Variants in NCOA6 observed in about 807,000 individuals in gnomAD.
NCOA6 encodes nuclear receptor coactivator 6, also known as NRC RAP250.
Under a neutral mutation model 171.4 loss-of-function variants are expected in NCOA6, and 49 were observed. That is an observed-to-expected ratio of 0.29 (90% confidence interval 0.23 to 0.36). NCOA6 has a LOEUF of 0.36. Among genes scored for constraint, NCOA6 ranks in the 10% least tolerant of loss-of-function variants. The pLI is 1.00. For synonymous variants in NCOA6, 910 were observed against 927.5 expected, an observed-to-expected ratio of 0.98 and a Z score of 0.34; for missense variants, 2,248 against 2,554.5, an observed-to-expected ratio of 0.88 and a Z score of 2.59.
chr20:34,782,375 G>A lies in NCOA6; in HGVS notation c.-20C>T. The A allele has an allele frequency of 8.8e-6, 13 of 1,481,762 alleles. No homozygotes were observed. Among genetic ancestry groups the A allele is most frequent in the Non-Finnish European group, 1.2e-5 (13 of 1,079,674 alleles). The allele number at this position is 1,481,762 out of a possible 1,614,324, so 91.8% of individuals were successfully genotyped here. A position where few individuals can be genotyped will look rare whatever the true frequency, so the allele number is the denominator to read the frequency against. ...AACCATGGTGAATATTATTCCAGAA[G>A]CATATGCCAAGAGGACAATAAGAAA... On this transcript the variant is annotated 5_prime_UTR_variant, in exon 3 of 15. Coordinates refer to ENST00000359003, the MANE Select transcript of NCOA6 (RefSeq NM_014071.5).
chr20:34,742,297 G>T lies in NCOA6; in HGVS notation c.3959C>A (p.Ala1320Glu), dbSNP rs763199542. Residue 1320 changes from alanine (A) to glutamate (E), a missense_variant, in exon 11 of 15, where the codon GCA becomes GAA. This residue lies in a region of NCOA6 where 884 missense variants were observed against 941.9 expected (regional missense o/e 0.94). Transcript: ENST00000359003. ...VNSGKQSNSG[A>E]TKRASPSNSR... ...GTTGCTTGGACTTGCCCGTTTTGTT[G>T]CTCCAGAATTAGACTGCTTTCCAGA... The T allele has an allele frequency of 1.2e-6, 2 of 1,614,176 alleles. No homozygotes were observed. The highest frequency in any genetic ancestry group is 3.3e-5 in the Admixed American group (2 of 60,010).
At chr20:34,717,360 G>T (rs1988735877) in intron 14 of NCOA6, among the ~76,000 whole-genome samples, 1 of 152,234 alleles carries the variant, frequency 6.6e-6, no homozygotes, top group Non-Finnish European at 1.5e-5. Flanking sequence ...TAAGGCAGGA[G>T]AATTGCTTGA....
At chr20:34,785,341 TC>T (rs1289904557) in intron 2 of NCOA6, among the ~76,000 whole-genome samples, 1 of 151,880 alleles carries the variant, frequency 6.6e-6, no homozygotes, top group African/African-American at 2.4e-5. Flanking sequence ...ATACCTGTAT[TC>T]CTAGCACTTT....
intron 11 of NCOA6, among the ~76,000 whole-genome samples, chr20:34,739,993 G>A (rs2076080531): frequency 6.6e-6 from 1 of 152,102 alleles, no homozygotes; most frequent in African/African-American, 2.4e-5. Flanking sequence ...CTCCTGAGTA[G>A]CTGGGATTAC....
At chr20:34,772,432 T>C (rs938784054) in intron 4 of NCOA6, among the ~76,000 whole-genome samples, 6 of 152,156 alleles carry the variant, frequency 3.9e-5, no homozygotes, top group African/African-American at 1.4e-4. Flanking sequence ...ATTTATTAAA[T>C]ATAATGGTCA....
intron 2 of NCOA6, among the ~76,000 whole-genome samples, chr20:34,782,801 A>G: frequency 6.6e-6 from 1 of 152,194 alleles, no homozygotes; most frequent in East Asian, 1.9e-4. Context: ...AAAGCTTAAA[A>G]GGAGCCAAGG....
At chr20:34,790,423 C>T (rs1416354114) in intron 2 of NCOA6, among the ~76,000 whole-genome samples, 4 of 151,860 alleles carry the variant, frequency 2.6e-5, no homozygotes, top group African/African-American at 9.7e-5. Context: ...GGTGTGACCT[C>T]GGCTCACTGT....
intron 1 of NCOA6, among the ~76,000 whole-genome samples, chr20:34,800,608 A>C (rs1380368756): frequency 6.6e-6 from 1 of 151,076 alleles, no homozygotes; most frequent in Non-Finnish European, 1.5e-5. Flanking sequence ...TATAAAAAAG[A>C]GACAAAGAAG....
rs538854153 is a variant in NCOA6 at position 34,744,724 on chromosome 20, A to G, written c.2915-1383T>C. On this transcript the variant is annotated intron_variant, in intron 10 of 14. Transcript: ENST00000359003. ...TAACTTCTTCACCTTTATAAAGCCA[A>G]TAACATGGCATTTCTATGGTTCAAC... is the stretch of plus-strand genomic sequence containing the variant. 9.2e-5 allele frequency among the ~76,000 whole-genome samples: 14 copies of G among 152,356 alleles called. No individual in the cohort carries two copies. The South Asian group carries it at 2.5e-3, about 27-fold the overall frequency.
intron 5 of NCOA6, among the ~76,000 whole-genome samples, chr20:34,761,112 C>T (rs1187612713): frequency 6.6e-6 from 1 of 152,116 alleles, no homozygotes; most frequent in Non-Finnish European, 1.5e-5. Flanking sequence ...ATCCCAGCTA[C>T]TCAGGAGGCT....
rs933234055 is a variant in NCOA6 at position 34,779,245 on chromosome 20, G to A, written c.236-2797C>T. ...AAGTTATTTGGCTGCGTGCAGTGGC[G>A]CATGTCCGTAATCCCAGCACTTTGG... On this transcript the variant is annotated intron_variant, in intron 3 of 14. Transcript: ENST00000359003. Among the ~76,000 whole-genome samples, 3 of 152,154 alleles carry A rather than the reference G, an allele frequency of 2.0e-5. No individual in the cohort carries two copies. In the East Asian group the frequency reaches 5.8e-4, roughly 29 times the overall value.
intron 4 of NCOA6, among the ~76,000 whole-genome samples, chr20:34,771,582 A>G (rs2077152658): frequency 6.6e-6 from 1 of 152,180 alleles, no homozygotes; most frequent in Non-Finnish European, 1.5e-5. Context: ...GTGGCTACCA[A>G]TATTGGACTG....
In NCOA6 at chr20:34,741,180, G is replaced by C. The variant is rs750475329; in HGVS notation, c.5076C>G (p.Pro1692=). 8 of 1,614,124 alleles carry C rather than the reference G, an allele frequency of 5.0e-6. No individual in the cohort carries two copies. Among genetic ancestry groups the C allele is most frequent in the Non-Finnish European group, 5.9e-6 (7 of 1,180,050 alleles). Residue 1692 remains proline, a synonymous_variant, in exon 11 of 15, where the codon CCC becomes CCG. Coordinates refer to ENST00000359003, the MANE Select transcript of NCOA6 (RefSeq NM_014071.5). ...PLTTNSGLMP[P]SVAVVGPLHI... is the part of the protein sequence containing the mutation. ...GTAAAGGGCCAACAACTGCAACAGA[G>C]GGAGGCATCAGGCCAGAGTTGGTTG...
chr20:34,743,375 T>C (rs780915898), intron 10 of NCOA6, 34 bp from the exon 11 acceptor site: 1 of 1,561,330 alleles, frequency 6.4e-7, no homozygotes, highest in Non-Finnish European at 8.7e-7. Context: ...GGAAGTTAGA[T>C]TTTTCAGCAA....
chr20:34,766,949 T>G (rs1289798702), intron 5 of NCOA6, among the ~76,000 whole-genome samples: 4 of 152,184 alleles, frequency 2.6e-5, no homozygotes, highest in African/African-American at 9.7e-5. Context: ...TAACACCAAA[T>G]GCTCAGACTT....
At chr20:34,760,422 A>C (rs2145857635) in intron 5 of NCOA6, among the ~76,000 whole-genome samples, 1 of 152,358 alleles carries the variant, frequency 6.6e-6, no homozygotes. Context: ...AACAATGAAA[A>C]ATTCTAAAAA....
At chr20:34,771,413 G>A (rs982123218) in intron 4 of NCOA6, among the ~76,000 whole-genome samples, 2 of 152,166 alleles carry the variant, frequency 1.3e-5, no homozygotes, top group Non-Finnish European at 2.9e-5. Flanking sequence ...GGGATTACAG[G>A]TGTGAGCCAC....
chr20:34,776,506 G>T, intron 3 of NCOA6, 58 bp from the exon 4 acceptor site: 1 of 1,584,762 alleles, frequency 6.3e-7, no homozygotes, highest in Non-Finnish European at 8.7e-7. Flanking sequence ...AGAGGAGATG[G>T]AATTAAAAAA....
At chr20:34,818,477 T>C (rs2078909741) in intron 1 of NCOA6, among the ~76,000 whole-genome samples, 3 of 152,192 alleles carry the variant, frequency 2.0e-5, no homozygotes. Flanking sequence ...TCTATTATTG[T>C]TACTATTGTT....
Sources: gnomAD v4.1 joint callset for allele counts (sites outside exome capture counted in the v4.1 genomes callset) on GRCh38, gnomAD v4.1.1 for gene constraint, gnomAD v4.1.1 regional missense constraint, MANE v1.5 for transcripts, NCBI Gene and HGNC (gene_info 2026-07-23, HGNC 2026-07-21) for gene names.